The following CACNG2 variants were observed in gnomAD, a reference collection of about 807,000 sequenced individuals.
CACNG2 encodes the protein calcium voltage-gated channel auxiliary subunit gamma 2, also known as voltage-dependent calcium channel gamma-2 subunit.
A neutral mutation model predicts 25.9 loss-of-function variants in CACNG2; 3 were observed. The observed-to-expected ratio is 0.12, with a 90% CI of 0.05 to 0.30. CACNG2 has a LOEUF of 0.30. Among genes scored for constraint, CACNG2 ranks in the 10% least tolerant of loss-of-function variants. CACNG2 has a pLI of 1.00. For synonymous variants in CACNG2, 167 were observed against 173.3 expected, an observed-to-expected ratio of 0.96 and a Z score of 0.29; for missense variants, 341 against 432.5, an observed-to-expected ratio of 0.79 and a Z score of 1.88.
chr22:36,583,725 CT>C (rs1208225556), intron 2 of CACNG2, among the ~76,000 whole-genome samples: 1 of 152,216 alleles, frequency 6.6e-6, no homozygotes, highest in Non-Finnish European at 1.5e-5. Flanking sequence ...TGGTTGCCCC[CT>C]CTCCCCCATC....
At chr22:36,663,141 T>TG (rs939619571) in intron 1 of CACNG2, among the ~76,000 whole-genome samples, 4 of 152,094 alleles carry the variant, frequency 2.6e-5, no homozygotes, top group Non-Finnish European at 5.9e-5. Context: ...CCAAGCCCTT[T>TG]GAGAGGAGAC....
rs61572491 is a variant in CACNG2 at position 36,613,156 on chromosome 22, C to CTG, written c.212-25610_212-25609dup. On this transcript the variant is annotated intron_variant, in intron 1 of 3. Coordinates refer to ENST00000300105, the MANE Select transcript of CACNG2 (RefSeq NM_006078.5). ...AAAAGTTCATTTCATTACAGGCTCT[C>CTG]TGTGTGTGTGTGTGTGTGTGTGTGT... Among the ~76,000 whole-genome samples the CTG allele has an allele frequency of 2.5e-4, 36 of 146,226 alleles. No individual in the cohort carries two copies. The Middle Eastern group carries it at 0.014, about 56-fold the overall frequency.
At chr22:36,685,166 G>T (rs987647758) in intron 1 of CACNG2, among the ~76,000 whole-genome samples, 1 of 152,134 alleles carries the variant, frequency 6.6e-6, no homozygotes, top group South Asian at 2.1e-4. Flanking sequence ...GTTTCTGGGG[G>T]CGGCAGGGGG....
chr22:36,649,878 A>G (rs900578128), intron 1 of CACNG2, among the ~76,000 whole-genome samples: 2 of 152,240 alleles, frequency 1.3e-5, no homozygotes, highest in East Asian at 3.8e-4. Flanking sequence ...CTCCCCAGCC[A>G]TGTGGAACTG....
chr22:36,599,153 G>A (rs758388458), intron 1 of CACNG2, among the ~76,000 whole-genome samples: 4 of 152,040 alleles, frequency 2.6e-5, no homozygotes, highest in Non-Finnish European at 5.9e-5. Context: ...TTCTATTATC[G>A]GAGAAATGAT....
intron 1 of CACNG2, among the ~76,000 whole-genome samples, chr22:36,592,007 T>C (rs1015131304): frequency 4.0e-5 from 6 of 151,650 alleles, no homozygotes; most frequent in African/African-American, 1.5e-4. Context: ...CTGTGAAGTG[T>C]GTGTGTCAGT....
intron 1 of CACNG2, among the ~76,000 whole-genome samples, chr22:36,673,664 C>T (rs373743519): frequency 2.6e-5 from 4 of 152,108 alleles, no homozygotes; most frequent in African/African-American, 7.2e-5. Flanking sequence ...TCACCACACT[C>T]GCTGCTGCTG....
intron 1 of CACNG2, among the ~76,000 whole-genome samples, chr22:36,645,265 C>A (rs575274029): frequency 1.3e-5 from 2 of 152,218 alleles, no homozygotes; most frequent in Admixed American, 1.3e-4. Flanking sequence ...GGGAAAGTTG[C>A]TGTAGAAATG....
intron 2 of CACNG2, among the ~76,000 whole-genome samples, chr22:36,579,736 T>C (rs1019412251): frequency 3.9e-5 from 6 of 152,222 alleles, no homozygotes; most frequent in African/African-American, 1.4e-4. Flanking sequence ...CTGGCTGTTA[T>C]GAACCTGCCA....
chr22:36,614,212 C>T (rs1032979668), intron 1 of CACNG2, among the ~76,000 whole-genome samples: 1 of 152,152 alleles, frequency 6.6e-6, no homozygotes, highest in African/African-American at 2.4e-5. Context: ...AGTCCCAGGA[C>T]CCACCACGCT....
chr22:36,570,282 C>T (rs886975208), intron 2 of CACNG2, among the ~76,000 whole-genome samples: 3 of 152,206 alleles, frequency 2.0e-5, no homozygotes, highest in Admixed American at 2.0e-4. Context: ...AGGGAGGGGT[C>T]TGCTGTGTTG....
chr22:36,669,747 CT>C (rs1936923820), intron 1 of CACNG2, among the ~76,000 whole-genome samples: 1 of 152,098 alleles, frequency 6.6e-6, no homozygotes, highest in African/African-American at 2.4e-5. Flanking sequence ...GGGTCTCACT[CT>C]GTTGCCCAGG....
intron 2 of CACNG2, among the ~76,000 whole-genome samples, chr22:36,580,035 C>T (rs943947285): frequency 1.3e-5 from 2 of 152,328 alleles, no homozygotes; most frequent in Admixed American, 6.5e-5. Flanking sequence ...CGGATTGTGG[C>T]GAATGCCTGC....
chr22:36,659,074 G>A (rs1212291388), intron 1 of CACNG2, among the ~76,000 whole-genome samples: 4 of 152,212 alleles, frequency 2.6e-5, no homozygotes, highest in African/African-American at 9.7e-5. Context: ...TACACAGTGG[G>A]TAGGAAACTG....
At chr22:36,578,637 G>A (rs1935364352) in intron 2 of CACNG2, among the ~76,000 whole-genome samples, 3 of 152,172 alleles carry the variant, frequency 2.0e-5, no homozygotes, top group African/African-American at 7.2e-5. Context: ...GACTGGTGGA[G>A]GTGGGGAGAG....
intron 1 of CACNG2, among the ~76,000 whole-genome samples, chr22:36,589,016 A>C (rs935519863): frequency 7.3e-6 from 1 of 136,308 alleles, no homozygotes; most frequent in Non-Finnish European, 1.5e-5. Context: ...CCTGAAATGG[A>C]GTCTCACTCT....
chr22:36,697,213 C>T (rs1220104593), intron 1 of CACNG2, among the ~76,000 whole-genome samples: 3 of 152,130 alleles, frequency 2.0e-5, no homozygotes, highest in South Asian at 4.1e-4. Flanking sequence ...AGGGCACAGT[C>T]GTCGTCACCC....
chr22:36,594,917 T>C (rs944527847), intron 1 of CACNG2, among the ~76,000 whole-genome samples: 1 of 151,434 alleles, frequency 6.6e-6, no homozygotes, highest in Non-Finnish European at 1.5e-5. Context: ...TGCATGTGTG[T>C]GTCTGTGTGT....
intron 1 of CACNG2, among the ~76,000 whole-genome samples, chr22:36,596,414 C>T (rs1469135927): frequency 1.3e-5 from 2 of 152,204 alleles, no homozygotes; most frequent in Non-Finnish European, 2.9e-5. Context: ...GTGTGGCATC[C>T]TATGAGTTTG....
Sources: allele counts gnomAD v4.1 joint callset (sites outside exome capture counted in the v4.1 genomes callset), GRCh38; gene constraint gnomAD v4.1.1; transcripts MANE v1.5; gene names NCBI Gene and HGNC (gene_info 2026-07-23, HGNC 2026-07-21).